PTK2: variants seen among roughly 807,000 people sequenced by gnomAD.
PTK2 encodes protein tyrosine kinase 2, also known as focal adhesion kinase 1.
Under a neutral mutation model 150.1 loss-of-function variants are expected in PTK2, and 45 were observed. The ratio of observed to expected loss-of-function variants is 0.30; its 90% CI spans 0.24 to 0.38. The LOEUF is 0.38. Ranked by LOEUF, PTK2 falls within the 10% of genes least tolerant of loss-of-function variation. PTK2 has a pLI of 1.00. For synonymous variants in PTK2, 432 were observed against 449.2 expected (o/e 0.96, Z 0.48); for missense variants, 919 against 1,307.3 (o/e 0.70, Z 4.58).
At chr8:140,717,764 C>T (rs1398432562) in intron 22 of PTK2, 55 bp from the exon 26 acceptor site, 2 of 1,383,214 alleles carry the variant, frequency 1.4e-6, no homozygotes, top group East Asian at 4.6e-5. Context: ...TTAGCACACA[C>T]TAGACCCCAC....
At chr8:140,804,220 G>GGC (rs1488345506) in intron 10 of PTK2, among the ~76,000 whole-genome samples, 1 of 124,554 alleles carries the variant, frequency 8.0e-6, no homozygotes, top group African/African-American at 3.6e-5. Flanking sequence ...CATAAACTTT[G>GGC]GCTTCTTCTT....
chr8:140,809,586 C>T (rs1197506669), intron 10 of PTK2, among the ~76,000 whole-genome samples: 2 of 152,184 alleles, frequency 1.3e-5, no homozygotes, highest in African/African-American at 4.8e-5. Flanking sequence ...GGGCAGATTA[C>T]TTGAACCCAG....
Position 140,864,412 on chromosome 8 carries a change from CACAAA to C in PTK2, c.363-18_363-14del. ...TCTCAATTCATATCTAAAAATAATT[CACAAA>C]ACAGAACAATTAGAAATCAGTCATT... On this transcript the variant is annotated splice_polypyrimidine_tract_variant and intron_variant, in intron 4 of 31. Coordinates refer to ENST00000522684, the Ensembl canonical transcript of PTK2. The C allele has an allele frequency of 6.9e-7, 1 of 1,447,848 alleles. No individual in the cohort carries two copies. Among genetic ancestry groups the C allele is most frequent in the Non-Finnish European group, 9.6e-7 (1 of 1,042,902 alleles). The allele number at this position is 1,447,848 out of a possible 1,614,324, so 89.7% of individuals were successfully genotyped here.
intron 2 of PTK2, among the ~76,000 whole-genome samples, chr8:140,913,074 C>G (rs1022337984): frequency 6.6e-6 from 1 of 152,122 alleles, no homozygotes; most frequent in East Asian, 1.9e-4. Context: ...CTCACCATTT[C>G]TCAACACTAT....
chr8:140,958,340 C>T (rs986798349), intron 1 of PTK2, among the ~76,000 whole-genome samples: 1 of 151,844 alleles, frequency 6.6e-6, no homozygotes, highest in African/African-American at 2.4e-5. Flanking sequence ...AGACAGGGTC[C>T]CACTATGTTA....
chr8:140,734,311 C>A (rs1182741727), intron 22 of PTK2, among the ~76,000 whole-genome samples: 1 of 152,238 alleles, frequency 6.6e-6, no homozygotes, highest in Non-Finnish European at 1.5e-5. Context: ...AATAAAGCTT[C>A]TCATGCCTAT....
chr8:140,846,350 A>ATG, intron 6 of PTK2, 28 bp from the exon 7 acceptor site: 1 of 1,595,080 alleles, frequency 6.3e-7, no homozygotes, highest in Non-Finnish European at 8.6e-7. Context: ...ATACATTTAT[A>ATG]TGTATATATA....
chr8:140,770,903 C>T (rs976914146), intron 14 of PTK2, 104 bp from the exon 15 acceptor site: 5 of 361,170 alleles, frequency 1.4e-5, no homozygotes, highest in Admixed American at 9.8e-5. Flanking sequence ...AAAACAGATA[C>T]AAAATTGCAA....
At chr8:140,764,204 G>C in intron 15 of PTK2, 30 bp downstream of exon 17, 1 of 1,576,492 alleles carries the variant, frequency 6.3e-7, no homozygotes, top group Non-Finnish European at 8.7e-7. Context: ...TGTCAAGTCT[G>C]AGCAAGAACA....
At chr8:140,736,307 TGGGATCTAAA>T (rs1257001074) in intron 21 of PTK2, among the ~76,000 whole-genome samples, 1 of 152,164 alleles carries the variant, frequency 6.6e-6, no homozygotes, top group Non-Finnish European at 1.5e-5. Flanking sequence ...CACTTGTAAG[TGGGATCTAAA>T]CCCTGGATAC....
chr8:140,971,951 A>G (rs1425489019), intron 1 of PTK2, among the ~76,000 whole-genome samples: 6 of 152,374 alleles, frequency 3.9e-5, no homozygotes, highest in Middle Eastern at 3.4e-3. Context: ...CTAGAAGGCA[A>G]TTATCAAGGA....
At chr8:140,889,693 C>T (rs970424696) in intron 3 of PTK2, among the ~76,000 whole-genome samples, 2 of 151,130 alleles carry the variant, frequency 1.3e-5, no homozygotes, top group Admixed American at 6.6e-5. Context: ...TCACTGGAAA[C>T]TTCTCCTTAA....
chr8:140,865,804 G>A (rs1463710856), intron 4 of PTK2, among the ~76,000 whole-genome samples: 1 of 151,948 alleles, frequency 6.6e-6, no homozygotes, highest in Non-Finnish European at 1.5e-5. Context: ...CTTTTTTTGA[G>A]ACAGGGTCTG....
At chr8:140,877,025 C>CTTTTTTTTTTTTTTTTTTTTTTTTTTT (rs60000363) in intron 4 of PTK2, among the ~76,000 whole-genome samples, 1 of 71,830 alleles carries the variant, frequency 1.4e-5, no homozygotes. Flanking sequence ...TTCACTAATC[C>CTTTTTTTTTTTTTTTTTTTTTTTTTTT]TTTTTTTTTT....
At chr8:140,973,169 T>C (rs945029420) in intron 1 of PTK2, among the ~76,000 whole-genome samples, 2 of 152,252 alleles carry the variant, frequency 1.3e-5, no homozygotes, top group South Asian at 2.1e-4. Context: ...CTAGGGCTTA[T>C]GCAGTAAAGG....
chr8:140,819,022 TG>T lies in PTK2; in HGVS notation c.649-3del. 6.2e-7 allele frequency: 1 copy of T among 1,609,700 alleles called. No homozygotes were observed. The highest frequency in any genetic ancestry group is 8.5e-7 in the Non-Finnish European group (1 of 1,178,136). ...GATCAGTTTTCTTAGTGTTTTGGCC[TG>T]CATGACAAAATTACCAAAACATCTT... On this transcript the variant is annotated splice_polypyrimidine_tract_variant and splice_region_variant and intron_variant, in intron 8 of 31. Coordinates refer to ENST00000522684, the Ensembl canonical transcript of PTK2.
intron 2 of PTK2, among the ~76,000 whole-genome samples, chr8:140,914,258 G>T (rs1485398321): frequency 6.6e-6 from 1 of 152,022 alleles, no homozygotes; most frequent in African/African-American, 2.4e-5. Context: ...TTTAAAGTTA[G>T]ATTTTTCTCT....
intron 1 of PTK2, chr8:140,954,867 C>G (rs1416510209): frequency 6.6e-6 from 1 of 152,106 alleles, no homozygotes; most frequent in Admixed American, 6.5e-5. Context: ...TATATAACCA[C>G]CATTATTTCA....
chr8:140,902,924 G>GTTTTTTGTTTTTTTTTTTTTTT (rs2100159140), intron 2 of PTK2, among the ~76,000 whole-genome samples: 2 of 58,964 alleles, frequency 3.4e-5, no homozygotes, highest in Admixed American at 2.3e-4. Context: ...GATGAGAGTT[G>GTTTTTTGTTTTTTTTTTTTTTT]TTTTTTTTTT....
Sources: gnomAD v4.1 joint callset for allele counts (sites outside exome capture counted in the v4.1 genomes callset) on GRCh38, gnomAD v4.1.1 for gene constraint, MANE v1.5 for transcripts, NCBI Gene and HGNC (gene_info 2026-07-23, HGNC 2026-07-21) for gene names.